BDH1: variants seen among roughly 807,000 people sequenced by gnomAD.
BDH1 encodes the protein D-beta-hydroxybutyrate dehydrogenase, mitochondrial.
A neutral mutation model predicts 33.1 loss-of-function variants in BDH1; 30 were observed. The ratio of observed to expected loss-of-function variants is 0.91; its 90% CI spans 0.68 to 1.23. The LOEUF is 1.23. Among genes scored for constraint, BDH1 ranks in the 50% most tolerant of loss-of-function variants. The pLI, the probability that BDH1 is intolerant of heterozygous loss-of-function variation, is 0.00. For missense variants in BDH1, 443 were observed against 464.4 expected, an observed-to-expected ratio of 0.95 and a Z score of 0.42; for synonymous variants, 190 against 183.6, an observed-to-expected ratio of 1.03 and a Z score of -0.28.
Position 197,522,877 on chromosome 3 carries a change from C to T in BDH1, c.268-96G>A. ...CAAGGCAGGAGCTGGCCTCAAGTCC[C>T]AGCCAAAGCCTCAGGCATACTGGCA... On this transcript the variant is annotated intron_variant, in intron 5 of 7. Transcript: ENST00000392379. This position sits in a 1 kb window ranked among gnomAD's most constrained non-coding sequence, Gnocchi z 4.8. The T allele has an allele frequency of 6.8e-6, 10 of 1,477,118 alleles. No individual in the cohort carries two copies. Among genetic ancestry groups the T allele is most frequent in the Non-Finnish European group, 9.2e-6 (10 of 1,092,666 alleles). 91.5% of individuals were successfully genotyped at this position (1,477,118 alleles called of 1,614,324 possible).
upstream of BDH1, among the ~76,000 whole-genome samples, chr3:197,559,734 A>G (rs1161936789): frequency 6.6e-6 from 1 of 152,246 alleles, no homozygotes; most frequent in African/African-American, 2.4e-5. Context: ...GAACTCTGAC[A>G]CAGATAGTAG....
chr3:197,539,446 TTA>T (rs1390092450), intron 3 of BDH1, among the ~76,000 whole-genome samples: 3 of 152,206 alleles, frequency 2.0e-5, no homozygotes, highest in African/African-American at 7.2e-5. Context: ...AGACTATAGT[TTA>T]TAGTTTAAAA....
chr3:197,528,011 C>T lies in BDH1; in HGVS notation c.267+4401G>A, dbSNP rs1246099833. On this transcript the variant is annotated intron_variant, in intron 5 of 7. Transcript: ENST00000392379. The surrounding 1 kb of genome is among the most constrained non-coding windows in gnomAD (Gnocchi z 5.1). ...CCCTGCAGAGAAGCAATTTACTTATCTTATTCCTTGCCTATCATCCCCCCT... is the reference window on the plus strand; with the variant it reads ...CCCTGCAGAGAAGCAATTTACTTATTTTATTCCTTGCCTATCATCCCCCCT... 6.6e-6 allele frequency among the ~76,000 whole-genome samples: 1 copy of T among 152,198 alleles called. No homozygotes were observed. Among genetic ancestry groups the T allele is most frequent in the African/African-American group, 2.4e-5 (1 of 41,442 alleles).
chr3:197,540,844 T>C (rs1037393636), intron 3 of BDH1, among the ~76,000 whole-genome samples: 1 of 152,128 alleles, frequency 6.6e-6, no homozygotes, highest in Non-Finnish European at 1.5e-5. Context: ...CAACAGTCAA[T>C]GGCGCATTTC....
intron 5 of BDH1, among the ~76,000 whole-genome samples, chr3:197,524,750 G>A (rs900485070): frequency 3.3e-5 from 5 of 152,020 alleles, no homozygotes; most frequent in African/African-American, 4.8e-5. Flanking sequence ...TTGGGGGTTG[G>A]GGGGATGCTT....
At chr3:197,515,454 C>G (rs1306946312) in intron 6 of BDH1, 33 of 985,648 alleles carry the variant, frequency 3.3e-5, no homozygotes. Context: ...TCTTCACCTT[C>G]TTCTCTTCCC....
Position 197,546,376 on chromosome 3 carries a change from C to G in BDH1, c.68G>C (p.Arg23Thr). ...GGTTGCTTACCTTGCTCCATTTTCT[C>G]TATCACAGGCACTTAGGGTTTTTCC... The part of the protein sequence containing the change: ...LPGKTLSACD[R>T]ENGARRPLLL... The change falls in exon 3 of 8, where the codon AGA becomes ACA. Residue 23 changes from arginine to threonine, a missense_variant. Arg to Thr is a moderately conservative substitution (Grantham distance 71). Coordinates refer to ENST00000392379, the MANE Select transcript of BDH1 (RefSeq NM_203314.3). The G allele has an allele frequency of 9.3e-6, 15 of 1,614,136 alleles. No individual in the cohort carries two copies. The highest frequency in any genetic ancestry group is 1.3e-5 in the Non-Finnish European group (15 of 1,180,030).
At chr3:197,536,702 C>T (rs1164873913) in intron 3 of BDH1, among the ~76,000 whole-genome samples, 1 of 152,000 alleles carries the variant, frequency 6.6e-6, no homozygotes, top group Non-Finnish European at 1.5e-5. Flanking sequence ...ACCAGCCGGG[C>T]ATGGTGAGGG....
intron 1 of BDH1, among the ~76,000 whole-genome samples, chr3:197,562,354 T>G (rs909397795): frequency 2.0e-5 from 3 of 152,226 alleles, no homozygotes; most frequent in African/African-American, 7.2e-5. Flanking sequence ...TGTGCATTTG[T>G]CTGAGGAACT....
intron 5 of BDH1, among the ~76,000 whole-genome samples, chr3:197,524,069 G>A (rs1451051758): frequency 1.3e-5 from 2 of 152,232 alleles, no homozygotes; most frequent in Non-Finnish European, 2.9e-5. Context: ...TCACCAGGCA[G>A]GCTGCATTGT....
chr3:197,514,236 G>C lies in BDH1; in HGVS notation c.562+28C>G, dbSNP rs759015688. The C allele has an allele frequency of 5.0e-6, 8 of 1,598,204 alleles. No individual in the cohort carries two copies. The highest frequency in any genetic ancestry group is 6.8e-6 in the Non-Finnish European group (8 of 1,170,062). Reference sequence around the variant, plus strand: ...ATGAACACGTGGGGCAGGTTCAGGGGCAGGAGGGAGCTCCCTTTCCCACTC... The same window carrying C: ...ATGAACACGTGGGGCAGGTTCAGGGCCAGGAGGGAGCTCCCTTTCCCACTC... On this transcript the variant is annotated intron_variant, in intron 7 of 7. Transcript: ENST00000392379. The surrounding 1 kb of genome is among the most constrained non-coding windows in gnomAD (Gnocchi z 4.2).
intron 1 of BDH1, among the ~76,000 whole-genome samples, chr3:197,570,451 C>G (rs1389890822): frequency 6.6e-6 from 1 of 152,226 alleles, no homozygotes; most frequent in East Asian, 1.9e-4. Context: ...TGGCAGCCCC[C>G]TCCCATCACA....
chr3:197,550,476 T>C (rs1003165050), intron 2 of BDH1, among the ~76,000 whole-genome samples: 1 of 152,028 alleles, frequency 6.6e-6, no homozygotes, highest in Admixed American at 6.5e-5. Flanking sequence ...CCCTCCCTCA[T>C]AGGATTTGGC....
chr3:197,519,306 C>G (rs1713261687), intron 6 of BDH1, among the ~76,000 whole-genome samples: 2 of 152,068 alleles, frequency 1.3e-5, no homozygotes, highest in South Asian at 4.2e-4. Context: ...TCCCACTTCA[C>G]AGATGGGCAA....
chr3:197,524,378 G>A (rs1713873432), intron 5 of BDH1, among the ~76,000 whole-genome samples: 2 of 152,220 alleles, frequency 1.3e-5, no homozygotes, highest in South Asian at 4.1e-4. Context: ...ACTTGTCAGG[G>A]GTGGAAAGTC....
In BDH1 at chr3:197,536,646, G is replaced by A. The variant is rs532590473; in HGVS notation, c.84-3085C>T. Among the ~76,000 whole-genome samples the A allele has an allele frequency of 5.3e-5, 8 of 152,214 alleles. No individual in the cohort carries two copies. The South Asian group carries it at 1.7e-3, about 32-fold the overall frequency. On this transcript the variant is annotated intron_variant, in intron 3 of 7. Coordinates refer to ENST00000392379, the MANE Select transcript of BDH1 (RefSeq NM_203314.3). ...AACTGAGGTCAGGAGTTCAAGACCAGCCTGGCCGACATGGTGAAACCCTGA... is the reference window on the plus strand; with the variant it reads ...AACTGAGGTCAGGAGTTCAAGACCAACCTGGCCGACATGGTGAAACCCTGA...
chr3:197,529,936 C>A (rs1270619814), intron 5 of BDH1: 4 of 152,170 alleles, frequency 2.6e-5, no homozygotes, highest in Non-Finnish European at 4.4e-5. Context: ...CATCCTTCTT[C>A]TATAGCAGTA....
At chr3:197,557,343 T>C (rs1717097980), upstream of BDH1, among the ~76,000 whole-genome samples, 1 of 152,184 alleles carries the variant, frequency 6.6e-6, no homozygotes, top group Non-Finnish European at 1.5e-5. The surrounding 1 kb of genome is among the most constrained non-coding windows in gnomAD (Gnocchi z 4.6). Flanking sequence ...CAACTATGTT[T>C]AGGTAAAGTA....
At chr3:197,550,036 A>G (rs926059536) in intron 2 of BDH1, among the ~76,000 whole-genome samples, 10 of 149,912 alleles carry the variant, frequency 6.7e-5, no homozygotes, top group African/African-American at 2.5e-4. Context: ...TGAAAGTTCC[A>G]ACCCAGCTCA....
Sources: allele counts gnomAD v4.1 joint callset (sites outside exome capture counted in the v4.1 genomes callset), GRCh38; gene constraint gnomAD v4.1.1; non-coding constraint Gnocchi (gnomAD v3.1); transcripts MANE v1.5; gene names NCBI Gene and HGNC (gene_info 2026-07-23, HGNC 2026-07-21).